FTSJ3: variants seen among roughly 807,000 people sequenced by gnomAD.
FTSJ3 encodes the protein pre-rRNA 2'-O-ribose RNA methyltransferase FTSJ3.
A neutral mutation model predicts 111.5 loss-of-function variants in FTSJ3; 46 were observed. That is an observed-to-expected ratio of 0.41 (90% CI 0.33 to 0.53). FTSJ3 has a LOEUF of 0.53. FTSJ3 is among the 20% of genes least tolerant of loss of function. The pLI, the probability that FTSJ3 is intolerant of heterozygous loss-of-function variation, is 0.19. For synonymous variants in FTSJ3, 408 were observed against 383.0 expected (o/e 1.07, Z -0.76); for missense variants, 1,075 against 1,063.8 (o/e 1.01, Z -0.15).
At position 63,820,543 on chromosome 17, in the gene FTSJ3, G is replaced by T. The variant is rs141656987; in HGVS notation, c.2073-105C>A. 200 of 1,114,948 alleles carry T rather than the reference G, an allele frequency of 1.8e-4. No homozygotes were observed. The East Asian group carries it at 4.4e-3, about 24-fold the overall frequency. The allele number at this position is 1,114,948 out of a possible 1,614,324, so 69.1% of individuals were successfully genotyped here. On this transcript the variant is annotated intron_variant, in intron 18 of 20. Coordinates refer to ENST00000427159, the MANE Select transcript of FTSJ3 (RefSeq NM_017647.4). ...CGCCTGTAATCCCTGCACTTTGGGA[G>T]GCTGAGGTGGGCAGATCACCTGAGG... is the stretch of plus-strand genomic sequence containing the variant.
intron 5 of FTSJ3, 38 bp from the exon 6 acceptor site, chr17:63,825,673 T>C (rs756258792): frequency 2.6e-6 from 4 of 1,556,546 alleles, no homozygotes; most frequent in African/African-American, 2.7e-5. Context: ...ACAGAAACAC[T>C]GGAATGGCCC....
Position 63,824,357 on chromosome 17 carries a change from T to A in FTSJ3, c.972A>T (p.Lys324Asn). ...TGATGTCCAGTGCCTTTGCTTGTTCTTTCAGCTTCTTGGCCACATATCGCC... is the reference window on the plus strand; with the variant it reads ...TGATGTCCAGTGCCTTTGCTTGTTCATTCAGCTTCTTGGCCACATATCGCC... ...KLRRYVAKKLKEQAKALDISL... is the reference protein window; with the variant it reads ...KLRRYVAKKLNEQAKALDISL... Residue 324 changes from lysine to asparagine, a missense_variant, in exon 11 of 21, where the codon AAA (lysine) becomes AAT (asparagine). Physicochemically the swap from Lys to Asn is moderately conservative, Grantham distance 94. Transcript: ENST00000427159. 5 of 1,614,250 alleles carry A rather than the reference T, an allele frequency of 3.1e-6. No individual in the cohort carries two copies. The highest frequency in any genetic ancestry group is 4.2e-6 in the Non-Finnish European group (5 of 1,180,052).
rs536032597 is a variant in FTSJ3 at position 63,825,192 on chromosome 17, G to A, written c.596-29C>T. 6.2e-6 allele frequency: 10 copies of A among 1,613,698 alleles called. No individual in the cohort carries two copies. The African/African-American group carries it at 6.7e-5, about 11-fold the overall frequency. ...AAAATGACAGGATATATTAAAAAGT[G>A]TGCTTTGGGAGTTGGGAGCCTGGAT... is the stretch of plus-strand genomic sequence containing the variant. On this transcript the variant is annotated intron_variant, in intron 7 of 20. Coordinates refer to ENST00000427159, the MANE Select transcript of FTSJ3 (RefSeq NM_017647.4).
rs369898585 is a variant in FTSJ3, at chr17:63,826,359, C to T, written c.174-55G>A. On this transcript the variant is annotated intron_variant, in intron 3 of 20. Coordinates refer to ENST00000427159, the MANE Select transcript of FTSJ3 (RefSeq NM_017647.4). ...AGAGCCATCCTTTTCCCCCTCTTGG[C>T]AACTGATCTCTCATCCCTGGTGTTA... 3 of 1,528,552 alleles carry T rather than the reference C, an allele frequency of 2.0e-6. No homozygotes were observed. In the African/African-American group the frequency reaches 4.1e-5, roughly 21 times the overall value. 94.7% of individuals were successfully genotyped at this position (1,528,552 alleles called of 1,614,324 possible).
Position 63,827,422 on chromosome 17 carries a change from C to CA in FTSJ3, c.-398dup. ...TCTTCTCTGCCTGGTCTTCAGGTCC[C>CA]AATCCTCCGCTTCCGCGCTTGCGCG... On this transcript the variant is annotated 5_prime_UTR_variant, in exon 1 of 21. Coordinates refer to ENST00000427159, the MANE Select transcript of FTSJ3 (RefSeq NM_017647.4). 11 of 1,550,822 alleles carry CA rather than the reference C, an allele frequency of 7.1e-6. No individual in the cohort carries two copies. Among genetic ancestry groups the CA allele is most frequent in the Non-Finnish European group, 9.6e-6 (11 of 1,146,260 alleles).
At chr17:63,820,665 G>A (rs1282516193) in intron 18 of FTSJ3, among the ~76,000 whole-genome samples, 174 bp downstream of exon 18, 1 of 149,560 alleles carries the variant, frequency 6.7e-6, no homozygotes, top group Non-Finnish European at 1.5e-5. Context: ...TGTAATCCCA[G>A]CTACTCAGAA....
Position 63,824,818 on chromosome 17 carries a change from G to A in FTSJ3, c.816+7C>T, listed in dbSNP as rs777752450. The A allele has an allele frequency of 5.6e-6, 9 of 1,610,792 alleles. No homozygotes were observed. Among genetic ancestry groups the A allele is most frequent in the South Asian group, 1.1e-5 (1 of 90,958 alleles). On this transcript the variant is annotated splice_region_variant and intron_variant, in intron 9 of 20. Transcript: ENST00000427159. ...CTACCTCATGTCCCTCAAGGCTGGAGACTCACTTCGCTGGCCTTGGAGAGG... is the reference window on the plus strand; with the variant it reads ...CTACCTCATGTCCCTCAAGGCTGGAAACTCACTTCGCTGGCCTTGGAGAGG...
chr17:63,821,100 A>G lies in FTSJ3; in HGVS notation c.1902T>C (p.Arg634=). ...TAGGCCCACGGCTTCGCTTCTTACC[A>G]CGGAGGGGTTCCCAGCTGTGAAGAG... ...SEEEESWEPL[R]GKKRSRGPKS... Residue 634 remains arginine (R), a synonymous_variant, in exon 17 of 21, where the codon CGT becomes CGC. Transcript: ENST00000427159. The G allele has an allele frequency of 6.2e-7, 1 of 1,613,950 alleles. No homozygotes were observed. Among genetic ancestry groups the G allele is most frequent in the South Asian group, 1.1e-5 (1 of 91,072 alleles).
chr17:63,826,030 G>C, intron 5 of FTSJ3, 26 bp downstream of exon 5: 2 of 1,555,734 alleles, frequency 1.3e-6, no homozygotes, highest in South Asian at 2.3e-5. Context: ...GTATAAAGGG[G>C]GAAGGAAGAG....
rs768723069 is a variant in FTSJ3 at position 63,820,004 on chromosome 17, G to A, written c.2352-10C>T. On this transcript the variant is annotated splice_polypyrimidine_tract_variant and intron_variant, in intron 20 of 20. Coordinates refer to ENST00000427159, the MANE Select transcript of FTSJ3 (RefSeq NM_017647.4). ...AGCCTTCTTGTAGAGACTACAGGGG[G>A]GAAGAGAAGAGGTTAGAGGCTTGCT... The A allele has an allele frequency of 1.5e-5, 25 of 1,613,944 alleles. No individual in the cohort carries two copies. The highest frequency in any genetic ancestry group is 2.2e-5 in the East Asian group (1 of 44,878).
chr17:63,820,963 A>C, intron 17 of FTSJ3, 25 bp from the exon 18 acceptor site: 2 of 1,612,048 alleles, frequency 1.2e-6, no homozygotes, highest in Non-Finnish European at 1.7e-6. Context: ...AGAAAGGTCA[A>C]AGCTCAATTC....
In FTSJ3 at chr17:63,825,156, C is replaced by T; in HGVS notation, c.603G>A (p.Leu201=). 6.2e-7 allele frequency: 1 copy of T among 1,614,072 alleles called. No homozygotes were observed. Among genetic ancestry groups the T allele is most frequent in the Non-Finnish European group, 8.5e-7 (1 of 1,179,996 alleles). Reference sequence around the variant, plus strand: ...ATTTACTGTCAACCTTGTCAGGGGCCAGGAATCCTAAAAATGACAGGATAT... The same window carrying T: ...ATTTACTGTCAACCTTGTCAGGGGCTAGGAATCCTAAAAATGACAGGATAT... ...AEIFVVCQGF[L]APDKVDSKFF... The change falls in exon 8 of 21, where the codon CTG becomes CTA. Residue 201 remains leucine (L), a synonymous_variant. Coordinates refer to ENST00000427159, the MANE Select transcript of FTSJ3 (RefSeq NM_017647.4).
intron 10 of FTSJ3, 33 bp from the exon 11 acceptor site, chr17:63,824,444 T>C (rs778200578): frequency 6.2e-7 from 1 of 1,607,394 alleles, no homozygotes; most frequent in Non-Finnish European, 8.5e-7. Flanking sequence ...GATCTTGCCA[T>C]CTCCCTCTTT....
At chr17:63,820,792 A>G (rs1476740091) in intron 18 of FTSJ3, 47 bp downstream of exon 18, 1 of 1,395,578 alleles carries the variant, frequency 7.2e-7, no homozygotes, top group South Asian at 1.2e-5. Flanking sequence ...TTACCCATTT[A>G]CCCACCAGAC....
Position 63,820,144 on chromosome 17 carries a change from C to T in FTSJ3, c.2286G>A (p.Lys762=). The part of the protein sequence containing the change: ...RMLKRLEQTR[K]KAEAVVNTVD... ...CTGTGTTCACCACGGCTTCTGCCTT[C>T]TTCCTGGTCTGCTCCAGCCTCTTCA... Residue 762 remains lysine, a synonymous_variant, in exon 20 of 21, where the codon AAG becomes AAA. Coordinates refer to ENST00000427159, the MANE Select transcript of FTSJ3 (RefSeq NM_017647.4). 1.2e-6 allele frequency: 2 copies of T among 1,614,174 alleles called. No individual in the cohort carries two copies. Among genetic ancestry groups the T allele is most frequent in the African/African-American group, 2.7e-5 (2 of 75,044 alleles).
At position 63,821,878 on chromosome 17, in the gene FTSJ3, C is replaced by T. The variant is rs1034545265; in HGVS notation, c.1476-35G>A. On this transcript the variant is annotated intron_variant, in intron 14 of 20. Transcript: ENST00000427159. ...CAAAGGAAAGTAGGGGGCTCAGAGA[C>T]CCAGATTGCCTGGAGCCCTTGCTGC... 3.7e-6 allele frequency: 6 copies of T among 1,613,870 alleles called. No homozygotes were observed. The African/African-American group carries it at 4.0e-5, about 11-fold the overall frequency.
At chr17:63,825,968 G>T in intron 5 of FTSJ3, 88 bp downstream of exon 5, 3 of 1,113,336 alleles carry the variant, frequency 2.7e-6, no homozygotes, top group South Asian at 1.4e-5. Context: ...CTCAAAGCAC[G>T]GTAAAAAGGA....
chr17:63,826,517 A>G (rs766591243), intron 3 of FTSJ3, 50 bp downstream of exon 3: 5 of 1,479,230 alleles, frequency 3.4e-6, no homozygotes. Flanking sequence ...ATCCCAGCTC[A>G]GAACCCAGAA....
At chr17:63,821,268 C>A in intron 16 of FTSJ3, 86 bp downstream of exon 16, 2 of 1,503,056 alleles carry the variant, frequency 1.3e-6, no homozygotes, top group South Asian at 1.2e-5. Flanking sequence ...TCCCCATGTG[C>A]AGCCAAGATT....
Sources: allele counts gnomAD v4.1 joint callset (sites outside exome capture counted in the v4.1 genomes callset), GRCh38; gene constraint gnomAD v4.1.1; transcripts MANE v1.5; gene names NCBI Gene and HGNC (gene_info 2026-07-23, HGNC 2026-07-21).